Variants in TMEM176A observed in about 807,000 individuals in gnomAD.
TMEM176A encodes transmembrane protein 176A.
Under a neutral mutation model 27.9 loss-of-function variants are expected in TMEM176A, and 20 were observed. The ratio of observed to expected loss-of-function variants is 0.72; its 90% CI spans 0.50 to 1.04. TMEM176A has a LOEUF of 1.04. TMEM176A is among the 50% of genes least tolerant of loss of function. The probability of loss-of-function intolerance (pLI) is 0.00; values close to 1 mark genes in which losing one functional copy is unlikely to be tolerated. For synonymous variants in TMEM176A, 125 were observed against 118.0 expected, an observed-to-expected ratio of 1.06 and a Z score of -0.38; for missense variants, 252 against 289.1, an observed-to-expected ratio of 0.87 and a Z score of 0.93.
At position 150,802,974 on chromosome 7, in the gene TMEM176A, C is replaced by T. The variant is rs1798847604; in HGVS notation, c.286-426C>T. The T allele has an allele frequency of 1.0e-5, 10 of 990,354 alleles. No homozygotes were observed. In the South Asian group the frequency reaches 4.7e-4, roughly 46 times the overall value. The allele number at this position is 990,354 out of a possible 1,614,324, so 61.3% of individuals were successfully genotyped here. On this transcript the variant is annotated intron_variant, in intron 3 of 6. Coordinates refer to ENST00000004103, the MANE Select transcript of TMEM176A (RefSeq NM_018487.3). ...TAGATTTCCTGTTCTTCAAGCCCAG[C>T]TGAGTGGATTATTGGGCACTGTTAG...
Position 150,801,581 on chromosome 7 carries a change from C to T in TMEM176A, c.31C>T (p.Pro11Ser), listed in dbSNP as rs1344202608. ...AACAGCCGACAGTGATGAGATGGCC[C>T]CGGAGGCCCCACAGCACACCCACAT... MGTADSDEMA[P>S]EAPQHTHIDV... is the part of the protein sequence containing the mutation. The change falls in exon 2 of 7, where the codon CCG (proline) becomes TCG (serine). Residue 11 changes from proline to serine, a missense_variant. Transcript: ENST00000004103. 1 of 1,610,322 alleles carries T rather than the reference C, an allele frequency of 6.2e-7. No individual in the cohort carries two copies.
chr7:150,803,177 G>C, intron 3 of TMEM176A: 1 of 1,283,430 alleles, frequency 7.8e-7, no homozygotes, highest in South Asian at 2.8e-5. Context: ...CACCTGGCTT[G>C]ACCACAAGCT....
rs777381174 is a variant in TMEM176A, at chr7:150,801,584, G to A, written c.34G>A (p.Glu12Lys). The A allele has an allele frequency of 6.8e-6, 11 of 1,610,702 alleles. 1 individual carries two copies. The Middle Eastern group carries it at 8.2e-4, about 121-fold the overall frequency. ...GTADSDEMAP[E>K]APQHTHIDVH... ...AGCCGACAGTGATGAGATGGCCCCG[G>A]AGGCCCCACAGCACACCCACATCGA... The change falls in exon 2 of 7, where the codon GAG becomes AAG. Residue 12 changes from glutamate (E) to lysine (K), a missense_variant. By Grantham distance (56) the Glu-to-Lys change is moderately conservative (BLOSUM62 1). Transcript: ENST00000004103.
At chr7:150,802,017 T>A in intron 2 of TMEM176A, 198 bp from the exon 3 acceptor site, 1 of 614,698 alleles carries the variant, frequency 1.6e-6, no homozygotes, top group Non-Finnish European at 2.8e-6. Flanking sequence ...TCCTTTCCCT[T>A]CTCTTTTCTC....
rs143618766 is a variant in TMEM176A at position 150,803,455 on chromosome 7, G to C, written c.341G>C (p.Trp114Ser). 59 of 1,596,144 alleles carry C rather than the reference G, an allele frequency of 3.7e-5. No homozygotes were observed. Among genetic ancestry groups the C allele is most frequent in the Non-Finnish European group, 4.2e-5 (49 of 1,171,690 alleles). The change falls in exon 4 of 7, where the codon TGG (tryptophan) becomes TCG (serine). Residue 114 changes from tryptophan (W) to serine (S), a missense_variant and splice_region_variant. Physicochemically the swap from Trp to Ser is radical, Grantham distance 177. Coordinates refer to ENST00000004103, the MANE Select transcript of TMEM176A (RefSeq NM_018487.3). ...TACGAGAAACGGGGTGGTACATACT[G>C]GGTAAGTTCAGGGAAGGGCATGGGA... ...FIYEKRGGTY[W>S]ALLRTLLTLA...
At chr7:150,803,906 G>A (rs741063) in intron 5 of TMEM176A, 74 bp downstream of exon 5, 1 of 1,414,884 alleles carries the variant, frequency 7.1e-7, no homozygotes, top group East Asian at 2.3e-5. Context: ...CAAGAGTCAG[G>A]TTCTCCACCA....
At position 150,803,466 on chromosome 7, in the gene TMEM176A, G is replaced by A; in HGVS notation, c.342+10G>A. ...GGGTGGTACATACTGGGTAAGTTCA[G>A]GGAAGGGCATGGGAGGGGACCAGGT... is the stretch of plus-strand genomic sequence containing the variant. On this transcript the variant is annotated intron_variant, in intron 4 of 6. Transcript: ENST00000004103. 6.3e-7 allele frequency: 1 copy of A among 1,591,372 alleles called. No homozygotes were observed. Among genetic ancestry groups the A allele is most frequent in the Non-Finnish European group, 8.6e-7 (1 of 1,169,398 alleles).
chr7:150,801,406 G>A, intron 1 of TMEM176A, 130 bp from the exon 2 acceptor site: 2 of 871,720 alleles, frequency 2.3e-6, no homozygotes, highest in Non-Finnish European at 1.7e-6. Flanking sequence ...CCAGGGGTGC[G>A]GCCCTGTGAC....
intron 3 of TMEM176A, 98 bp from the exon 4 acceptor site, chr7:150,803,302 A>T: frequency 6.8e-7 from 1 of 1,466,260 alleles, no homozygotes. Flanking sequence ...CCTCCCGCCC[A>T]AGCTGTGTGC....
Position 150,802,282 on chromosome 7 carries a change from C to A in TMEM176A, c.242C>A (p.Thr81Asn), listed in dbSNP as rs1055112069. The A allele has an allele frequency of 7.4e-6, 12 of 1,613,988 alleles. No homozygotes were observed. The highest frequency in any genetic ancestry group is 2.7e-5 in the African/African-American group (2 of 74,898). ...GGATTTTTCTACATCCGCGACTACA[C>A]CCTCCTCGTCACCTCGGGAGCTGCC... ...LGGFFYIRDY[T>N]LLVTSGAAIW... The change falls in exon 3 of 7, where the codon ACC becomes AAC. Residue 81 changes from threonine (T) to asparagine (N), a missense_variant. Physicochemically the swap from Thr to Asn is moderately conservative, Grantham distance 65. Coordinates refer to ENST00000004103, the MANE Select transcript of TMEM176A (RefSeq NM_018487.3).
chr7:150,801,844 A>G (rs1798805079), intron 2 of TMEM176A, 120 bp downstream of exon 2: 1 of 1,045,736 alleles, frequency 9.6e-7, no homozygotes, highest in African/African-American at 1.6e-5. Context: ...CTTCTTACTT[A>G]GCGATGTGAT....
Position 150,803,663 on chromosome 7 carries a change from C to T in TMEM176A, c.386C>T (p.Ala129Val), listed in dbSNP as rs374016555. The T allele has an allele frequency of 1.7e-5, 28 of 1,614,130 alleles. No homozygotes were observed. The African/African-American group carries it at 3.6e-4, about 21-fold the overall frequency. The change falls in exon 5 of 7, where the codon GCC becomes GTC. Residue 129 changes from alanine to valine, a missense_variant. Ala to Val is a moderately conservative substitution (Grantham distance 64). Coordinates refer to ENST00000004103, the MANE Select transcript of TMEM176A (RefSeq NM_018487.3). ...CTAACGCTGGCAGCTTTCTCCACAG[C>T]CATCGCTGCCCTCAAACTTTGGAAT... Reference protein sequence around the residue: ...TLLTLAAFSTAIAALKLWNED... With the variant: ...TLLTLAAFSTVIAALKLWNED...
chr7:150,801,525 C>A lies in TMEM176A; in HGVS notation c.-15-11C>A. The A allele has an allele frequency of 5.7e-6, 9 of 1,565,300 alleles. No individual in the cohort carries two copies. Among genetic ancestry groups the A allele is most frequent in the Non-Finnish European group, 7.8e-6 (9 of 1,160,906 alleles). ...GACAGCCGTTCCTCTCTGGTGCTCC[C>A]TTCCTCATAGACTGTGTCCCTGACA... On this transcript the variant is annotated splice_polypyrimidine_tract_variant and intron_variant, in intron 1 of 6. Coordinates refer to ENST00000004103, the MANE Select transcript of TMEM176A (RefSeq NM_018487.3).
Position 150,801,735 on chromosome 7 carries a change from CGGCCTGCCTCGTCGGGCGGCG to C in TMEM176A, c.174+14_174+34del, listed in dbSNP as rs1563048456. The stretch of plus-strand genomic sequence containing the variant: ...CTGGTGGCCTCGTGGGTGAGTGTGA[CGGCCTGCCTCGTCGGGCGGCG>C]GGAGGAACTCCCCACCTCCAGCCGC... On this transcript the variant is annotated intron_variant, in intron 2 of 6. Coordinates refer to ENST00000004103, the MANE Select transcript of TMEM176A (RefSeq NM_018487.3). The C allele has an allele frequency of 6.7e-7, 1 of 1,498,752 alleles. No individual in the cohort carries two copies. Among genetic ancestry groups the C allele is most frequent in the African/African-American group, 1.4e-5 (1 of 70,622 alleles). The allele number at this position is 1,498,752 out of a possible 1,614,324, so 92.8% of individuals were successfully genotyped here.
chr7:150,802,790 C>G (rs1319506818), intron 3 of TMEM176A: 1 of 994,820 alleles, frequency 1.0e-6, no homozygotes, highest in Non-Finnish European at 1.2e-6. Context: ...GCTGGGTAGG[C>G]TGGTCATGGT....
Position 150,801,522 on chromosome 7 carries a change from T to A in TMEM176A, c.-15-14T>A. ...TCTGACAGCCGTTCCTCTCTGGTGC[T>A]CCCTTCCTCATAGACTGTGTCCCTG... On this transcript the variant is annotated splice_polypyrimidine_tract_variant and intron_variant, in intron 1 of 6. Transcript: ENST00000004103. The A allele has an allele frequency of 6.4e-7, 1 of 1,561,192 alleles. No homozygotes were observed. The highest frequency in any genetic ancestry group is 8.6e-7 in the Non-Finnish European group (1 of 1,158,384).
intron 3 of TMEM176A, 131 bp from the exon 4 acceptor site, chr7:150,803,269 G>A (rs182131743): frequency 6.6e-5 from 93 of 1,400,126 alleles, no homozygotes; most frequent in Non-Finnish European, 7.4e-5. Context: ...ATCTTACCAT[G>A]GATAATAAAG....
chr7:150,802,289 C>T lies in TMEM176A; in HGVS notation c.249C>T (p.Leu83=), dbSNP rs765136829. ...TCTACATCCGCGACTACACCCTCCTCGTCACCTCGGGAGCTGCCATCTGGA... is the reference window on the plus strand; with the variant it reads ...TCTACATCCGCGACTACACCCTCCTTGTCACCTCGGGAGCTGCCATCTGGA... ...GFFYIRDYTL[L]VTSGAAIWTG... Residue 83 remains leucine (L), a synonymous_variant, in exon 3 of 7, where the codon CTC becomes CTT. Transcript: ENST00000004103. 6 of 1,614,068 alleles carry T rather than the reference C, an allele frequency of 3.7e-6. No individual in the cohort carries two copies. Among genetic ancestry groups the T allele is most frequent in the Admixed American group, 1.7e-5 (1 of 60,018 alleles).
At chr7:150,803,111 T>C (rs1304742745) in intron 3 of TMEM176A, 1 of 1,111,514 alleles carries the variant, frequency 9.0e-7, no homozygotes, top group African/African-American at 1.6e-5. Flanking sequence ...CCTAGAACTT[T>C]CATAAAGCAC....
Sources: allele counts gnomAD v4.1 joint callset, GRCh38; gene constraint gnomAD v4.1.1; transcripts MANE v1.5; gene names NCBI Gene and HGNC (gene_info 2026-07-23, HGNC 2026-07-21).